CMTR1: variants seen among roughly 807,000 people sequenced by gnomAD.
The protein encoded by CMTR1 is cap methyltransferase 1.
A neutral mutation model predicts 107.0 loss-of-function variants in CMTR1; 39 were observed. The ratio of observed to expected loss-of-function variants is 0.36; its 90% CI spans 0.28 to 0.48. The LOEUF is 0.48. Ranked by LOEUF, CMTR1 falls within the 20% of genes least tolerant of loss-of-function variation. CMTR1 has a pLI of 0.99. For synonymous variants in CMTR1, 366 were observed against 379.5 expected (o/e 0.96, Z 0.41); for missense variants, 672 against 1,064.9 (o/e 0.63, Z 5.14).
rs1167846890 is a variant in CMTR1 at position 37,472,971 on chromosome 6, T to G, written c.1689+484T>G. On this transcript the variant is annotated intron_variant, in intron 16 of 23. Coordinates refer to ENST00000373451, the MANE Select transcript of CMTR1 (RefSeq NM_015050.3). This position sits in a 1 kb window ranked among gnomAD's most constrained non-coding sequence, Gnocchi z 4.1. ...TTTCTTCTACCACTCAACCTCCAGC[T>G]TTTACTTGGGCCTCATTTAAATCTG... Among the ~76,000 whole-genome samples, 3 of 152,172 alleles carry G rather than the reference T, an allele frequency of 2.0e-5. No homozygotes were observed. The highest frequency in any genetic ancestry group is 4.4e-5 in the Non-Finnish European group (3 of 68,028).
chr6:37,450,116 A>G (rs1771917664), intron 4 of CMTR1, 135 bp from the exon 5 acceptor site: 1 of 651,570 alleles, frequency 1.5e-6, no homozygotes. Flanking sequence ...TGACCACTGC[A>G]TTTGGCTTCA....
intron 13 of CMTR1, among the ~76,000 whole-genome samples, chr6:37,467,272 T>C (rs80165359): frequency 0.015 from 2,353 of 152,334 alleles, 56 homozygotes; most frequent in African/African-American, 0.053. Context: ...GTTCTTTGAT[T>C]CATAGATTAT....
intron 5 of CMTR1, among the ~76,000 whole-genome samples, chr6:37,451,413 T>C (rs1761169456): frequency 6.6e-6 from 1 of 152,216 alleles, no homozygotes. Flanking sequence ...CATGTATTTC[T>C]ACTCATCACA....
At chr6:37,425,392 G>C in the CMTR1 span, among the ~76,000 whole-genome samples, 1 of 150,754 alleles carries the variant, frequency 6.6e-6, no homozygotes, top group South Asian at 2.1e-4. Context: ...CACCTCCCGA[G>C]TTCAAACAAT....
intron 23 of CMTR1, 21 bp from the exon 24 acceptor site, chr6:37,479,992 T>C: frequency 6.4e-7 from 1 of 1,558,112 alleles, no homozygotes; most frequent in Non-Finnish European, 8.6e-7. Flanking sequence ...CTGACCTCTT[T>C]CCCATCCCTC....
rs189606110 is a variant in CMTR1, at chr6:37,447,615, C to T, written c.444+1166C>T. On this transcript the variant is annotated intron_variant, in intron 4 of 23. Coordinates refer to ENST00000373451, the MANE Select transcript of CMTR1 (RefSeq NM_015050.3). ...GTGGCTTACGCCTATAATCCCAGCA[C>T]TTTGGGAGGCCGAGGCGGGTGGATC... Among the ~76,000 whole-genome samples the T allele has an allele frequency of 9.2e-5, 14 of 152,248 alleles. No homozygotes were observed. In the East Asian group the frequency reaches 2.7e-3, roughly 29 times the overall value.
chr6:37,453,079 G>A lies in CMTR1; in HGVS notation c.642G>A (p.Met214Ile). Residue 214 changes from methionine (M) to isoleucine (I), a missense_variant, in exon 7 of 24, where the codon ATG (methionine) becomes ATA (isoleucine). By Grantham distance (10) the Met-to-Ile change is conservative. This residue lies in a region of CMTR1 where 583 missense variants were observed against 968.4 expected (regional missense o/e 0.60). Transcript: ENST00000373451. Reference sequence around the variant, plus strand: ...TTGATGTCTTGGATGGGGAAGAGATGCGGCGAGCTCGGACTCGGGCCAATC... The same window carrying A: ...TTGATGTCTTGGATGGGGAAGAGATACGGCGAGCTCGGACTCGGGCCAATC... ...SVFDVLDGEE[M>I]RRARTRANPY... 1.2e-6 allele frequency: 2 copies of A among 1,614,128 alleles called. No individual in the cohort carries two copies. The highest frequency in any genetic ancestry group is 4.5e-5 in the East Asian group (2 of 44,880).
chr6:37,478,225 G>A (rs1041763286), intron 21 of CMTR1, among the ~76,000 whole-genome samples, 184 bp from the exon 22 acceptor site: 5 of 152,146 alleles, frequency 3.3e-5, no homozygotes, highest in Admixed American at 2.0e-4. Context: ...TCCACTGCCT[G>A]AGTGGGAATT....
the CMTR1 span, among the ~76,000 whole-genome samples, chr6:37,426,359 TG>T: frequency 3.1e-4 from 47 of 152,340 alleles, no homozygotes; most frequent in East Asian, 6.7e-3. Context: ...TATGAATTTT[TG>T]TTGGAAATTG....
chr6:37,462,365 G>A lies in CMTR1; in HGVS notation c.1325+263G>A, dbSNP rs531512767. Among the ~76,000 whole-genome samples, 35 of 152,304 alleles carry A rather than the reference G, an allele frequency of 2.3e-4. No individual in the cohort carries two copies. The South Asian group carries it at 6.6e-3, about 29-fold the overall frequency. ...TTGGCCAAGGAGAAAGTGACCAATA[G>A]TAGGGACACTTCAGGGGTCTTGGGC... On this transcript the variant is annotated intron_variant, in intron 12 of 23. Coordinates refer to ENST00000373451, the MANE Select transcript of CMTR1 (RefSeq NM_015050.3).
chr6:37,469,138 AAAAAAC>A (rs1761571590), intron 13 of CMTR1, among the ~76,000 whole-genome samples: 1 of 152,052 alleles, frequency 6.6e-6, no homozygotes, highest in South Asian at 2.1e-4. Flanking sequence ...CTGTTTAAAA[AAAAAAC>A]AAAAACAAAA....
In CMTR1 at chr6:37,458,497, A is replaced by C; in HGVS notation, c.778-115A>C. 1.1e-6 allele frequency: 1 copy of C among 922,392 alleles called. No individual in the cohort carries two copies. Among genetic ancestry groups the C allele is most frequent in the Non-Finnish European group, 1.6e-6 (1 of 616,144 alleles). 57.1% of individuals were successfully genotyped at this position (922,392 alleles called of 1,614,324 possible). On this transcript the variant is annotated intron_variant, in intron 8 of 23. Coordinates refer to ENST00000373451, the MANE Select transcript of CMTR1 (RefSeq NM_015050.3). This position sits in a 1 kb window ranked among gnomAD's most constrained non-coding sequence, Gnocchi z 4.7. ...TCCTGGGTGCTGTAGCTCTGGTGGG[A>C]GCTCTGGATTGTACTTGCCGAAAGG...
chr6:37,441,105 G>T (rs1771665315), intron 2 of CMTR1, among the ~76,000 whole-genome samples: 1 of 152,212 alleles, frequency 6.6e-6, no homozygotes, highest in Non-Finnish European at 1.5e-5. Flanking sequence ...TTAGGGAGCT[G>T]CCCACATTCC....
Position 37,480,253 on chromosome 6 carries a change from G to A in CMTR1, c.*108G>A. 1 of 1,519,158 alleles carries A rather than the reference G, an allele frequency of 6.6e-7. No individual in the cohort carries two copies. Among genetic ancestry groups the A allele is most frequent in the South Asian group, 1.3e-5 (1 of 77,042 alleles). 94.1% of individuals were successfully genotyped at this position (1,519,158 alleles called of 1,614,324 possible). On this transcript the variant is annotated 3_prime_UTR_variant, in exon 24 of 24. Coordinates refer to ENST00000373451, the MANE Select transcript of CMTR1 (RefSeq NM_015050.3). ...CCCCCTCTTGAAAAGGGACTGGGGA[G>A]CATTGCACCTGGCATGAGGAGTGGG... is the stretch of plus-strand genomic sequence containing the variant.
Position 37,435,716 on chromosome 6 carries a change from C to T in CMTR1, c.87C>T (p.Ser29=), listed in dbSNP as rs1423721456. ...CAGAGCTTGCCCTGAGCCTCAGCTC[C>T]ACGTCCGATGATGAACCTCCCTCCT... is the stretch of plus-strand genomic sequence containing the variant. The part of the protein sequence containing the change: ...RVAELALSLS[S]TSDDEPPSSV... Residue 29 remains serine (S), a synonymous_variant, in exon 2 of 24, where the codon TCC becomes TCT. Coordinates refer to ENST00000373451, the MANE Select transcript of CMTR1 (RefSeq NM_015050.3). 2 of 1,602,474 alleles carry T rather than the reference C, an allele frequency of 1.2e-6. No individual in the cohort carries two copies. Among genetic ancestry groups the T allele is most frequent in the Admixed American group, 1.7e-5 (1 of 57,396 alleles).
At chr6:37,479,917 C>A in intron 23 of CMTR1, 96 bp from the exon 24 acceptor site, 1 of 1,228,364 alleles carries the variant, frequency 8.1e-7, no homozygotes, top group South Asian at 1.8e-5. Context: ...CAACTAAAGT[C>A]ATTGACAGAC....
chr6:37,440,138 G>C (rs995389002), intron 2 of CMTR1, among the ~76,000 whole-genome samples: 1 of 152,184 alleles, frequency 6.6e-6, no homozygotes, highest in Non-Finnish European at 1.5e-5. Context: ...GGGCTCTCTG[G>C]TAGGTTTTAG....
intron 18 of CMTR1, 75 bp from the exon 19 acceptor site, chr6:37,475,246 G>C (rs998004476): frequency 8.7e-7 from 1 of 1,144,140 alleles, no homozygotes; most frequent in Non-Finnish European, 1.3e-6. Context: ...AATGGAGCCA[G>C]CATGCCATGG....
intron 13 of CMTR1, among the ~76,000 whole-genome samples, chr6:37,466,114 GTTTTTTT>G (rs763461526): frequency 2.4e-5 from 3 of 125,192 alleles, no homozygotes; most frequent in Non-Finnish European, 3.1e-5. Context: ...TACAGTTTTT[GTTTTTTT>G]TTTTTTTTTT....
Sources: allele counts gnomAD v4.1 joint callset (sites outside exome capture counted in the v4.1 genomes callset), GRCh38; gene constraint gnomAD v4.1.1; regional missense constraint gnomAD v4.1.1; non-coding constraint Gnocchi (gnomAD v3.1); transcripts MANE v1.5; gene names NCBI Gene and HGNC (gene_info 2026-07-23, HGNC 2026-07-21).